Variants in DPP10 observed in about 807,000 individuals in gnomAD.
DPP10 encodes the protein inactive dipeptidyl peptidase 10.
In DPP10, 33 loss-of-function variants were observed where a neutral mutation model predicts 120.9. The observed-to-expected ratio is 0.27, with a 90% CI of 0.21 to 0.37. DPP10 has a LOEUF of 0.37. Among genes scored for constraint, DPP10 ranks in the 10% least tolerant of loss-of-function variants. The pLI is 1.00. For missense variants in DPP10, 816 were observed against 942.8 expected (o/e 0.87, Z 1.76); for synonymous variants, 337 against 326.1 (o/e 1.03, Z -0.36).
intron 1 of DPP10, among the ~76,000 whole-genome samples, chr2:115,272,316 A>G (rs905705858): frequency 6.6e-6 from 1 of 152,226 alleles, no homozygotes; most frequent in Non-Finnish European, 1.5e-5. Context: ...TAGTGCCTAA[A>G]ATAGGCCATT....
chr2:115,113,368 C>T (rs1418879725), intron 1 of DPP10, among the ~76,000 whole-genome samples: 1 of 151,620 alleles, frequency 6.6e-6, no homozygotes, highest in Non-Finnish European at 1.5e-5. Flanking sequence ...CCAAATGTGT[C>T]TTCTGTTAGC....
At chr2:114,745,626 A>G (rs1286986579) in intron 1 of DPP10, among the ~76,000 whole-genome samples, 2 of 152,258 alleles carry the variant, frequency 1.3e-5, no homozygotes, top group East Asian at 3.8e-4. Context: ...TGCTGACTGT[A>G]CTGAAGGAGA....
Position 114,924,111 on chromosome 2 carries a change from A to G in DPP10, c.61-385128A>G, listed in dbSNP as rs565232302. Among the ~76,000 whole-genome samples, 23 of 152,270 alleles carry G rather than the reference A, an allele frequency of 1.5e-4. No individual in the cohort carries two copies. The South Asian group carries it at 3.3e-3, about 22-fold the overall frequency. On this transcript the variant is annotated intron_variant, in intron 1 of 25. Coordinates refer to ENST00000410059, the MANE Select transcript of DPP10 (RefSeq NM_020868.6). ...CTGTGGCTGCCCTCACTTACAATGC[A>G]AATTTTACAGACTCCTCTAGACATT...
At chr2:115,178,571 A>T (rs938148203) in intron 1 of DPP10, among the ~76,000 whole-genome samples, 1 of 152,198 alleles carries the variant, frequency 6.6e-6, no homozygotes, top group Non-Finnish European at 1.5e-5. Context: ...AAAGAAAATA[A>T]ATTGATGGTT....
chr2:115,433,571 GT>G lies in DPP10; in HGVS notation c.272-65930del, dbSNP rs998208484. Among the ~76,000 whole-genome samples, 12 of 151,352 alleles carry G rather than the reference GT, an allele frequency of 7.9e-5. 1 individual carries two copies. Among genetic ancestry groups the G allele is most frequent in the Middle Eastern group, 6.8e-3 (2 of 294 alleles). On this transcript the variant is annotated intron_variant, in intron 3 of 25. Coordinates refer to ENST00000410059, the MANE Select transcript of DPP10 (RefSeq NM_020868.6). Reference sequence around the variant, plus strand: ...AAGATACCATTCTCTGTGTGACACAGTTTTTTTTTCTAGTTAGAATTCACAT... The same window carrying G: ...AAGATACCATTCTCTGTGTGACACAGTTTTTTTTCTAGTTAGAATTCACAT...
chr2:114,495,655 C>T (rs896242849), intron 1 of DPP10, among the ~76,000 whole-genome samples: 1 of 152,166 alleles, frequency 6.6e-6, no homozygotes, highest in African/African-American at 2.4e-5. Flanking sequence ...AAAGAATCTA[C>T]TTGGTCTCAG....
At chr2:115,730,346 C>G (rs1221717011) in intron 8 of DPP10, among the ~76,000 whole-genome samples, 2 of 152,120 alleles carry the variant, frequency 1.3e-5, no homozygotes, top group Non-Finnish European at 2.9e-5. Flanking sequence ...GATTCTGTGT[C>G]TTCTGGTTTG....
intron 3 of DPP10, among the ~76,000 whole-genome samples, chr2:115,474,100 G>A (rs539295384): frequency 6.6e-6 from 1 of 152,276 alleles, no homozygotes; most frequent in Non-Finnish European, 1.5e-5. Context: ...CCTATACATT[G>A]TGATCTCAGG....
intron 2 of DPP10, among the ~76,000 whole-genome samples, chr2:115,336,236 C>T (rs2063121075): frequency 6.6e-6 from 1 of 151,750 alleles, no homozygotes; most frequent in South Asian, 2.1e-4. Flanking sequence ...AACAGAAATA[C>T]CCATAGCAGT....
intron 7 of DPP10, among the ~76,000 whole-genome samples, chr2:115,695,043 T>A (rs1274085470): frequency 1.3e-5 from 2 of 152,164 alleles, no homozygotes; most frequent in Non-Finnish European, 2.9e-5. Flanking sequence ...CCAGCTGAAG[T>A]GAATTCTAAG....
chr2:114,444,719 A>G (rs1223771936), intron 1 of DPP10, among the ~76,000 whole-genome samples: 2 of 152,214 alleles, frequency 1.3e-5, no homozygotes, highest in South Asian at 2.1e-4. Flanking sequence ...ACAATGTATT[A>G]TATTAATGGC....
intron 5 of DPP10, among the ~76,000 whole-genome samples, chr2:115,538,071 C>T (rs1042378199): frequency 1.3e-5 from 2 of 151,980 alleles, no homozygotes; most frequent in Admixed American, 6.6e-5. Flanking sequence ...ATCACTAGCA[C>T]TCTAGTGTGT....
At chr2:115,435,964 C>A (rs1236579513) in intron 3 of DPP10, among the ~76,000 whole-genome samples, 2 of 151,788 alleles carry the variant, frequency 1.3e-5, no homozygotes, top group African/African-American at 2.4e-5. Context: ...TTTTCCAATG[C>A]ATGTTCTTGG....
At chr2:115,655,491 C>T (rs1452847481) in intron 5 of DPP10, among the ~76,000 whole-genome samples, 3 of 151,474 alleles carry the variant, frequency 2.0e-5, no homozygotes, top group Non-Finnish European at 3.0e-5. Flanking sequence ...GTAAAAGGTA[C>T]AAATTATGCT....
intron 1 of DPP10, among the ~76,000 whole-genome samples, chr2:114,447,752 G>A (rs1678026224): frequency 2.0e-5 from 3 of 152,184 alleles, no homozygotes; most frequent in East Asian, 1.9e-4. Context: ...CTTCCATTTA[G>A]CAAGGTACAG....
chr2:114,974,827 G>C (rs1039077629), intron 1 of DPP10, among the ~76,000 whole-genome samples: 4 of 152,022 alleles, frequency 2.6e-5, no homozygotes, highest in Non-Finnish European at 5.9e-5. Context: ...TTCTCAGAAT[G>C]TGTTCTCCTC....
chr2:115,094,450 A>G (rs188067121), intron 1 of DPP10, among the ~76,000 whole-genome samples: 25 of 152,306 alleles, frequency 1.6e-4, no homozygotes, highest in African/African-American at 6.0e-4. Flanking sequence ...GTCAAAGGGC[A>G]ATCTTCAATC....
At chr2:115,610,451 T>TA (rs2084013401) in intron 5 of DPP10, among the ~76,000 whole-genome samples, 2 of 106,352 alleles carry the variant, frequency 1.9e-5, no homozygotes, top group South Asian at 8.2e-4. Context: ...CAGAGGATGA[T>TA]ATGGGCCAGC....
intron 2 of DPP10, among the ~76,000 whole-genome samples, chr2:115,340,620 A>T (rs1468967464): frequency 6.6e-6 from 1 of 151,866 alleles, no homozygotes; most frequent in Non-Finnish European, 1.5e-5. Flanking sequence ...AAATAAGATT[A>T]TTTGGTGTGG....
Sources: gnomAD v4.1 joint callset for allele counts (sites outside exome capture counted in the v4.1 genomes callset) on GRCh38, gnomAD v4.1.1 for gene constraint, MANE v1.5 for transcripts, NCBI Gene and HGNC (gene_info 2026-07-23, HGNC 2026-07-21) for gene names.